CDH4: variants seen among roughly 807,000 people sequenced by gnomAD.
CDH4 encodes cadherin 4.
A neutral mutation model predicts 86.0 loss-of-function variants in CDH4; 33 were observed. The ratio of observed to expected loss-of-function variants is 0.38; its 90% confidence interval spans 0.29 to 0.51. The LOEUF is 0.51. Ranked by LOEUF, CDH4 falls within the 20% of genes least tolerant of loss-of-function variation. The probability of loss-of-function intolerance (pLI) is 0.86; values close to 1 mark genes in which losing one functional copy is unlikely to be tolerated. For missense variants in CDH4, 1,114 were observed against 1,307.4 expected (o/e 0.85, Z 2.28); for synonymous variants, 555 against 549.4 (o/e 1.01, Z -0.14).
At chr20:61,765,854 C>T (rs1349679112) in intron 3 of CDH4, among the ~76,000 whole-genome samples, 1 of 152,080 alleles carries the variant, frequency 6.6e-6, no homozygotes, top group Admixed American at 6.5e-5. Flanking sequence ...GAGAGCCCAC[C>T]CCTTCCAGCA....
intron 2 of CDH4, among the ~76,000 whole-genome samples, chr20:61,424,264 A>G (rs1192205018): frequency 7.0e-6 from 1 of 142,664 alleles, no homozygotes; most frequent in African/African-American, 2.5e-5. Context: ...ATATATCCAC[A>G]CACATCCACA....
intron 3 of CDH4, among the ~76,000 whole-genome samples, chr20:61,766,328 C>T (rs1463021145): frequency 6.6e-6 from 1 of 152,112 alleles, no homozygotes; most frequent in Non-Finnish European, 1.5e-5. Context: ...CGCCTGCCCC[C>T]CAGCCCTAGC....
At chr20:61,372,010 A>G (rs1334973440) in intron 2 of CDH4, among the ~76,000 whole-genome samples, 1 of 152,242 alleles carries the variant, frequency 6.6e-6, no homozygotes, top group Non-Finnish European at 1.5e-5. Context: ...AAACACGTGC[A>G]CATTCCAGGC....
chr20:61,531,293 G>A (rs1383005985), intron 2 of CDH4, among the ~76,000 whole-genome samples: 1 of 152,048 alleles, frequency 6.6e-6, no homozygotes, highest in Non-Finnish European at 1.5e-5. Flanking sequence ...CCAATGTGGT[G>A]AAACCCCGTC....
intron 4 of CDH4, among the ~76,000 whole-genome samples, chr20:61,802,199 CCT>C (rs1240621430): frequency 5.9e-5 from 9 of 152,220 alleles, no homozygotes; most frequent in Non-Finnish European, 1.0e-4. Flanking sequence ...TCATTCAGCC[CCT>C]GTGGCAGCCC....
At chr20:61,707,256 G>A (rs1330856295) in intron 2 of CDH4, among the ~76,000 whole-genome samples, 2 of 152,256 alleles carry the variant, frequency 1.3e-5, no homozygotes, top group African/African-American at 4.8e-5. Context: ...AGCCTGGCAT[G>A]GTCCTATGCA....
intron 2 of CDH4, among the ~76,000 whole-genome samples, chr20:61,520,034 G>A (rs779948076): frequency 6.6e-5 from 10 of 152,182 alleles, no homozygotes; most frequent in South Asian, 2.1e-4. Context: ...GCGTGTGTCA[G>A]TTTCTAGGCT....
intron 2 of CDH4, among the ~76,000 whole-genome samples, chr20:61,599,473 G>A (rs2086581266): frequency 6.7e-6 from 1 of 148,602 alleles, no homozygotes; most frequent in Admixed American, 6.7e-5. Context: ...GCTTTCCAAA[G>A]GCCGACCCTC....
At position 61,252,559 on chromosome 20, in the gene CDH4, G is replaced by A. The variant is rs2084067621; in HGVS notation, c.46G>A (p.Gly16Ser). The A allele has an allele frequency of 8.3e-7, 1 of 1,204,958 alleles. No individual in the cohort carries two copies. Among genetic ancestry groups the A allele is most frequent in the African/African-American group, 1.6e-5 (1 of 63,252 alleles). 74.6% of individuals were successfully genotyped at this position (1,204,958 alleles called of 1,614,324 possible). Reference sequence around the variant, plus strand: ...GCTCCTTCTGCTGCTCTCGCTCTCCGGCGCGCTCCGGGTAAGTTGCCGCCT... The same window carrying A: ...GCTCCTTCTGCTGCTCTCGCTCTCCAGCGCGCTCCGGGTAAGTTGCCGCCT... ...GVLLLLLSLS[G>S]ALRAHNEDLT... Residue 16 changes from glycine to serine, a missense_variant, in exon 1 of 16, where the codon GGC becomes AGC. Gly to Ser is a moderately conservative substitution (Grantham distance 56). Coordinates refer to ENST00000614565, the MANE Select transcript of CDH4 (RefSeq NM_001794.5). The surrounding 1 kb of genome is among the most constrained non-coding windows in gnomAD (Gnocchi z 4.4).
chr20:61,769,882 C>A (rs992381545), intron 3 of CDH4, among the ~76,000 whole-genome samples: 2 of 152,216 alleles, frequency 1.3e-5, no homozygotes, highest in Non-Finnish European at 2.9e-5. Context: ...CATAAATTGT[C>A]ATATCCCCAA....
At chr20:61,702,615 C>T (rs1033029767) in intron 2 of CDH4, among the ~76,000 whole-genome samples, 20 of 152,170 alleles carry the variant, frequency 1.3e-4, no homozygotes, top group African/African-American at 4.8e-4. Context: ...CAAGGTAAAG[C>T]GGTTGCTTGT....
intron 8 of CDH4, among the ~76,000 whole-genome samples, chr20:61,896,365 T>C (rs1985117755): frequency 6.6e-6 from 1 of 152,122 alleles, no homozygotes; most frequent in Admixed American, 6.5e-5. Flanking sequence ...ACAGCGGCCG[T>C]CCCGCATCTG....
At chr20:61,324,652 A>G (rs564198164) in intron 2 of CDH4, among the ~76,000 whole-genome samples, 3 of 152,324 alleles carry the variant, frequency 2.0e-5, no homozygotes, top group Admixed American at 6.5e-5. Context: ...TTTGTACCCA[A>G]TAAGGGCACC....
chr20:61,533,647 G>A (rs536329975), intron 2 of CDH4, among the ~76,000 whole-genome samples: 24 of 152,350 alleles, frequency 1.6e-4, no homozygotes, highest in Admixed American at 8.5e-4. Flanking sequence ...CGGGTACAGG[G>A]GCCATTAGCA....
chr20:61,855,550 C>A (rs1982960432), intron 6 of CDH4, among the ~76,000 whole-genome samples: 1 of 152,216 alleles, frequency 6.6e-6, no homozygotes, highest in South Asian at 2.1e-4. Flanking sequence ...CTCCCGGAGA[C>A]CCAGGATGCT....
At chr20:61,322,416 C>T (rs1022573605) in intron 2 of CDH4, among the ~76,000 whole-genome samples, 3 of 152,140 alleles carry the variant, frequency 2.0e-5, no homozygotes, top group African/African-American at 7.2e-5. Flanking sequence ...AGACCTGGCT[C>T]CTGCAGTATC....
intron 12 of CDH4, among the ~76,000 whole-genome samples, chr20:61,929,144 T>C (rs954989558): frequency 7.0e-6 from 1 of 143,622 alleles, no homozygotes; most frequent in African/African-American, 2.5e-5. Flanking sequence ...TGCTTTTTGG[T>C]TGTGTCTCCA....
intron 2 of CDH4, among the ~76,000 whole-genome samples, chr20:61,729,926 A>T (rs2088158720): frequency 1.3e-5 from 2 of 152,214 alleles, no homozygotes; most frequent in Admixed American, 1.3e-4. Context: ...AACATTCCGG[A>T]GACAGAGTGT....
intron 4 of CDH4, among the ~76,000 whole-genome samples, chr20:61,791,096 C>T (rs983807622): frequency 9.8e-5 from 15 of 152,322 alleles, no homozygotes; most frequent in Middle Eastern, 3.4e-3. Flanking sequence ...TTCAAGTAAA[C>T]GAAAAACCGA....
Sources: allele counts gnomAD v4.1 joint callset (sites outside exome capture counted in the v4.1 genomes callset), GRCh38; gene constraint gnomAD v4.1.1; non-coding constraint Gnocchi (gnomAD v3.1); transcripts MANE v1.5; gene names NCBI Gene and HGNC (gene_info 2026-07-23, HGNC 2026-07-21).